The following PTPRT variants were observed in gnomAD, a reference collection of about 807,000 sequenced individuals.
PTPRT encodes the protein protein tyrosine phosphatase receptor type T, also known as receptor-type tyrosine-protein phosphatase T.
In PTPRT, 56 loss-of-function variants were observed where a neutral mutation model predicts 176.8. That is an observed-to-expected ratio of 0.32 (90% CI 0.26 to 0.40). PTPRT has a LOEUF of 0.40. Ranked by LOEUF, PTPRT falls within the 10% of genes least tolerant of loss-of-function variation. The probability of loss-of-function intolerance (pLI) is 1.00; values close to 1 mark genes in which losing one functional copy is unlikely to be tolerated. For missense variants in PTPRT, 1,540 were observed against 1,908.2 expected, an observed-to-expected ratio of 0.81 and a Z score of 3.60; for synonymous variants, 783 against 739.0, an observed-to-expected ratio of 1.06 and a Z score of -0.96.
chr20:42,578,342 G>A (rs193094657), intron 7 of PTPRT, among the ~76,000 whole-genome samples: 4 of 152,238 alleles, frequency 2.6e-5, no homozygotes, highest in African/African-American at 4.8e-5. Context: ...GAGTATAAAA[G>A]CTGAGGCTCA....
intron 1 of PTPRT, among the ~76,000 whole-genome samples, chr20:43,087,359 CGTCCTTTTT>C (rs3030307): frequency 6.7e-5 from 3 of 44,878 alleles, no homozygotes; most frequent in Non-Finnish European, 1.1e-4. Flanking sequence ...TCACACTGTC[CGTCCTTTTT>C]TTTTTTTTTT....
intron 7 of PTPRT, among the ~76,000 whole-genome samples, chr20:42,500,041 T>A (rs1052303066): frequency 6.6e-6 from 1 of 152,162 alleles, no homozygotes; most frequent in Admixed American, 6.5e-5. Context: ...TGAGTTTTTT[T>A]ATCCACTAAC....
At chr20:42,657,698 G>A (rs553281055) in intron 7 of PTPRT, among the ~76,000 whole-genome samples, 2 of 152,308 alleles carry the variant, frequency 1.3e-5, no homozygotes, top group South Asian at 4.1e-4. Context: ...TAATAATGCA[G>A]AATAATTCTT....
At chr20:42,577,937 G>A (rs541317920) in intron 7 of PTPRT, among the ~76,000 whole-genome samples, 1 of 143,848 alleles carries the variant, frequency 7.0e-6, no homozygotes, top group Non-Finnish European at 1.5e-5. Context: ...GTGTGTGTGT[G>A]TGTGTGTGTG....
In PTPRT at chr20:42,098,237, G is replaced by A. The variant is rs530183769; in HGVS notation, c.3846+184C>T. ...CAGGGGGAGTCTTTGCTGGAGGTCTGGGGGGTGACAGGACCCTCTGTAGGT... is the reference window on the plus strand; with the variant it reads ...CAGGGGGAGTCTTTGCTGGAGGTCTAGGGGGTGACAGGACCCTCTGTAGGT... On this transcript the variant is annotated intron_variant, in intron 27 of 30. Transcript: ENST00000373187. Among the ~76,000 whole-genome samples, 4 of 119,776 alleles carry A rather than the reference G, an allele frequency of 3.3e-5. No individual in the cohort carries two copies. The East Asian group carries it at 1.3e-3, about 38-fold the overall frequency. The allele number at this position is 119,776 out of a possible 152,430, so 78.6% of individuals were successfully genotyped here. A position where few individuals can be genotyped will look rare whatever the true frequency, so the allele number is the denominator to read the frequency against.
At chr20:42,475,858 G>T (rs1253719536) in intron 7 of PTPRT, among the ~76,000 whole-genome samples, 1 of 152,278 alleles carries the variant, frequency 6.6e-6, no homozygotes, top group Admixed American at 6.5e-5. Context: ...TCGTGATCTT[G>T]CCACACAGCA....
At chr20:42,677,082 A>C (rs2146059818) in intron 7 of PTPRT, among the ~76,000 whole-genome samples, 1 of 152,278 alleles carries the variant, frequency 6.6e-6, no homozygotes, top group Admixed American at 6.5e-5. Flanking sequence ...TTAGGTAGGG[A>C]TAGGAGCCTC....
chr20:42,445,256 A>C (rs1358261552), intron 9 of PTPRT, among the ~76,000 whole-genome samples: 1 of 152,216 alleles, frequency 6.6e-6, no homozygotes, highest in Admixed American at 6.5e-5. Flanking sequence ...TTTTTATGTA[A>C]TGATAACAGC....
chr20:42,733,903 T>C (rs750716974), intron 6 of PTPRT, among the ~76,000 whole-genome samples: 20 of 152,124 alleles, frequency 1.3e-4, no homozygotes, highest in Non-Finnish European at 2.4e-4. Context: ...TCTGGCAATG[T>C]GGGCAGGAAA....
intron 7 of PTPRT, among the ~76,000 whole-genome samples, chr20:42,497,753 A>G (rs1453775422): frequency 6.6e-6 from 1 of 152,186 alleles, no homozygotes; most frequent in Non-Finnish European, 1.5e-5. Context: ...TGCCTTTCTT[A>G]TAGAAATCCT....
intron 11 of PTPRT, among the ~76,000 whole-genome samples, chr20:42,337,094 C>G (rs1270591052): frequency 6.6e-6 from 1 of 152,096 alleles, no homozygotes; most frequent in Non-Finnish European, 1.5e-5. Context: ...CATCACTCTT[C>G]AGGAAGAATG....
At chr20:43,137,897 C>T (rs1271912378) in intron 1 of PTPRT, among the ~76,000 whole-genome samples, 1 of 152,222 alleles carries the variant, frequency 6.6e-6, no homozygotes, top group East Asian at 1.9e-4. Flanking sequence ...AACTCCACAG[C>T]ACACAGAAGA....
intron 1 of PTPRT, among the ~76,000 whole-genome samples, chr20:43,132,980 C>T (rs1359507556): frequency 6.6e-6 from 1 of 151,946 alleles, no homozygotes; most frequent in Non-Finnish European, 1.5e-5. Flanking sequence ...TAACGTGAAA[C>T]CAAGTTGAGA....
intron 7 of PTPRT, among the ~76,000 whole-genome samples, chr20:42,480,600 G>A (rs1340212490): frequency 6.6e-6 from 1 of 152,176 alleles, no homozygotes; most frequent in Non-Finnish European, 1.5e-5. Flanking sequence ...ACTGATGCTA[G>A]GGGGATGCAA....
intron 13 of PTPRT, chr20:42,270,371 C>CCCCCCCCCCCGGGGCGGGGGGTG: frequency 6.8e-7 from 1 of 1,471,372 alleles, no homozygotes; most frequent in Non-Finnish European, 9.3e-7. Context: ...TCTCCCCTCC[C>CCCCCCCCCCCGGGGCGGGGGGTG]ACCCGCCCAG....
chr20:42,332,573 A>G (rs545427568), intron 11 of PTPRT, among the ~76,000 whole-genome samples: 3 of 152,202 alleles, frequency 2.0e-5, no homozygotes, highest in Admixed American at 2.0e-4. Context: ...TTCATGAGGT[A>G]CCTTTTTGTT....
chr20:42,643,216 T>C (rs1169535121), intron 7 of PTPRT, among the ~76,000 whole-genome samples: 1 of 152,206 alleles, frequency 6.6e-6, no homozygotes, highest in Non-Finnish European at 1.5e-5. Context: ...TACATGCTGA[T>C]AACACCTGGT....
intron 10 of PTPRT, among the ~76,000 whole-genome samples, chr20:42,351,760 C>CA (rs1395386062): frequency 6.6e-6 from 1 of 152,056 alleles, no homozygotes; most frequent in Non-Finnish European, 1.5e-5. Flanking sequence ...CTTGTTCTGG[C>CA]AAAAAGAATG....
intron 11 of PTPRT, among the ~76,000 whole-genome samples, chr20:42,331,218 T>TA (rs60772774): frequency 0.12 from 18,118 of 151,794 alleles, 1,534 homozygotes; most frequent in African/African-American, 0.24. Flanking sequence ...GAGGAGCAAA[T>TA]AAAAAAAATC....
Sources: gnomAD v4.1 joint callset for allele counts (sites outside exome capture counted in the v4.1 genomes callset) on GRCh38, gnomAD v4.1.1 for gene constraint, MANE v1.5 for transcripts, NCBI Gene and HGNC (gene_info 2026-07-23, HGNC 2026-07-21) for gene names.